Variants in PATJ observed in about 807,000 individuals in gnomAD.
PATJ encodes inaD-like protein.
In PATJ, 190 loss-of-function variants were observed where a neutral mutation model predicts 224.9. That is an observed-to-expected ratio of 0.84 (90% CI 0.75 to 0.95). PATJ has a LOEUF of 0.95. Among genes scored for constraint, PATJ ranks in the 40% least tolerant of loss-of-function variants. The pLI is 0.00. For synonymous variants in PATJ, 769 were observed against 820.3 expected (o/e 0.94, Z 1.07); for missense variants, 2,121 against 2,270.3 (o/e 0.93, Z 1.34).
intron 33 of PATJ, among the ~76,000 whole-genome samples, chr1:62,087,224 A>G (rs1357757477): frequency 6.6e-6 from 1 of 152,018 alleles, no homozygotes; most frequent in African/African-American, 2.4e-5. Flanking sequence ...CAGCACAGGC[A>G]GAGAGTCTTC....
intron 39 of PATJ, among the ~76,000 whole-genome samples, chr1:62,125,271 A>C (rs1465749921): frequency 6.7e-6 from 1 of 149,402 alleles, no homozygotes; most frequent in Non-Finnish European, 1.5e-5. Flanking sequence ...AAACAAAAAA[A>C]AAACGCCATT....
chr1:62,010,092 AAAAAG>A (rs1646349416), intron 28 of PATJ, among the ~76,000 whole-genome samples: 1 of 151,190 alleles, frequency 6.6e-6, no homozygotes, highest in Non-Finnish European at 1.5e-5. Flanking sequence ...AAAAAAAAAA[AAAAAG>A]AAAGAAAGAA....
At chr1:61,942,444 A>G (rs1023380860) in intron 27 of PATJ, among the ~76,000 whole-genome samples, 1 of 152,184 alleles carries the variant, frequency 6.6e-6, no homozygotes, top group Non-Finnish European at 1.5e-5. Context: ...CTGCACATTC[A>G]CTAGAATGAT....
chr1:62,037,143 G>A (rs569305396), intron 29 of PATJ, among the ~76,000 whole-genome samples: 5 of 152,092 alleles, frequency 3.3e-5, no homozygotes, highest in South Asian at 4.1e-4. Context: ...ATATCAGCAG[G>A]AAGCATTGAT....
At position 62,162,617 on chromosome 1, in the gene PATJ, AGATGCTTACTGGTG is replaced by A. The variant is rs1669916965; in HGVS notation, c.*1570_*1583del. The A allele has an allele frequency of 6.6e-6, 1 of 152,124 alleles. No individual in the cohort carries two copies. The highest frequency in any genetic ancestry group is 1.5e-5 in the Non-Finnish European group (1 of 68,054). The allele number at this position is 152,124 out of a possible 1,614,324, so 9.4% of individuals were successfully genotyped here. On this transcript the variant is annotated 3_prime_UTR_variant, in exon 44 of 44. Transcript: ENST00000642238. ...TCATATATTAGCAAGAAAAAGGGAG[AGATGCTTACTGGTG>A]GATGCTATAGAGTCCTCTGTTTTTA...
At chr1:62,060,245 G>A in intron 31 of PATJ, among the ~76,000 whole-genome samples, 1 of 152,176 alleles carries the variant, frequency 6.6e-6, no homozygotes, top group East Asian at 1.9e-4. Context: ...TTGCAGCTGA[G>A]GGACCAGAAG....
intron 20 of PATJ, among the ~76,000 whole-genome samples, chr1:61,865,880 C>T (rs1245313297): frequency 1.3e-5 from 2 of 152,152 alleles, no homozygotes; most frequent in African/African-American, 4.8e-5. Flanking sequence ...CTGCCCTTGC[C>T]TCCCTTAGAC....
At position 61,742,532 on chromosome 1, in the gene PATJ, C is replaced by A. The variant is rs1644804184; in HGVS notation, c.-59C>A. 6.6e-6 allele frequency: 1 copy of A among 152,454 alleles called. No individual in the cohort carries two copies. The allele number at this position is 152,454 out of a possible 1,614,324, so 9.4% of individuals were successfully genotyped here. ...CACCGAGCCCGCCCGACCCGGGCTC[C>A]CACCTGCTCCTCCAGCGCACCAGGT... On this transcript the variant is annotated 5_prime_UTR_variant, in exon 1 of 44. Coordinates refer to ENST00000642238, the MANE Select transcript of PATJ (RefSeq NM_001350145.3).
chr1:62,121,642 G>A (rs1027801045), intron 38 of PATJ, among the ~76,000 whole-genome samples: 1 of 151,980 alleles, frequency 6.6e-6, no homozygotes, highest in African/African-American at 2.4e-5. Flanking sequence ...GGTGGCATAC[G>A]CCTGTAGTCC....
chr1:61,821,291 C>T (rs911953236), intron 14 of PATJ, among the ~76,000 whole-genome samples: 3 of 151,930 alleles, frequency 2.0e-5, no homozygotes, highest in Admixed American at 6.6e-5. Context: ...GTGATCCTCC[C>T]GCTCGGCCTC....
intron 29 of PATJ, among the ~76,000 whole-genome samples, chr1:62,029,068 A>G (rs1034619887): frequency 1.3e-5 from 2 of 152,156 alleles, no homozygotes; most frequent in African/African-American, 4.8e-5. Flanking sequence ...TTATGCCAGT[A>G]CCACACTGTT....
At chr1:61,974,619 G>A (rs1644028530) in intron 27 of PATJ, among the ~76,000 whole-genome samples, 2 of 151,512 alleles carry the variant, frequency 1.3e-5, no homozygotes, top group South Asian at 2.1e-4. Context: ...CAAACAAACG[G>A]GCTTTCTGCT....
rs1475375600 is a variant in PATJ, at chr1:62,163,513, T to A, written c.*2459T>A. The A allele has an allele frequency of 2.0e-5, 3 of 152,644 alleles. No individual in the cohort carries two copies. The highest frequency in any genetic ancestry group is 7.2e-5 in the African/African-American group (3 of 41,458). The allele number at this position is 152,644 out of a possible 1,614,324, so 9.5% of individuals were successfully genotyped here. On this transcript the variant is annotated 3_prime_UTR_variant, in exon 44 of 44. Transcript: ENST00000642238. ...TACACATTTTGAGATAATACATTGT[T>A]GTGGTGTTTCTTTATACATTATCCT...
chr1:61,855,949 A>G (rs1663582644), intron 17 of PATJ, 81 bp from the exon 18 acceptor site: 4 of 949,144 alleles, frequency 4.2e-6, no homozygotes, highest in Admixed American at 1.9e-5. Context: ...AATAAGATTC[A>G]TCAGTCAACT....
Position 61,965,567 on chromosome 1 carries a change from T to G in PATJ, c.3671-24601T>G, listed in dbSNP as rs533165523. Among the ~76,000 whole-genome samples the G allele has an allele frequency of 7.2e-5, 11 of 152,292 alleles. No individual in the cohort carries two copies. The East Asian group carries it at 2.1e-3, about 29-fold the overall frequency. ...GTGGAACCTTTTTAATTTTTATTAT[T>G]TGATCCCACGAGGGGAAGTGGGTAG... On this transcript the variant is annotated intron_variant, in intron 27 of 43. Coordinates refer to ENST00000642238, the MANE Select transcript of PATJ (RefSeq NM_001350145.3).
At chr1:61,890,073 T>A (rs571191947) in intron 22 of PATJ, among the ~76,000 whole-genome samples, 7 of 152,344 alleles carry the variant, frequency 4.6e-5, no homozygotes, top group African/African-American at 1.7e-4. Context: ...GGATGTATTA[T>A]GAGTGATGTT....
intron 22 of PATJ, among the ~76,000 whole-genome samples, chr1:61,886,074 GC>G (rs1465985442): frequency 1.3e-5 from 2 of 151,862 alleles, no homozygotes; most frequent in African/African-American, 4.8e-5. Context: ...TATACCTAAT[GC>G]TAAATGACGA....
intron 31 of PATJ, among the ~76,000 whole-genome samples, chr1:62,056,766 G>T (rs1402638106): frequency 6.6e-6 from 1 of 152,080 alleles, no homozygotes; most frequent in Non-Finnish European, 1.5e-5. Flanking sequence ...GAGTGAAAGA[G>T]CAAAACTCCA....
At chr1:62,096,932 A>G (rs141315563) in intron 33 of PATJ, among the ~76,000 whole-genome samples, 149 of 152,230 alleles carry the variant, frequency 9.8e-4, no homozygotes, top group Middle Eastern at 6.8e-3. Context: ...TAGATGTTTT[A>G]TATACTAGAT....
Sources: allele counts gnomAD v4.1 joint callset (sites outside exome capture counted in the v4.1 genomes callset), GRCh38; gene constraint gnomAD v4.1.1; transcripts MANE v1.5; gene names NCBI Gene and HGNC (gene_info 2026-07-23, HGNC 2026-07-21).